PDGFC: variants seen among roughly 807,000 people sequenced by gnomAD.
PDGFC encodes platelet-derived growth factor C.
PDGFC carries 12 observed loss-of-function variants against 35.5 expected under a neutral mutation model. The ratio of observed to expected loss-of-function variants is 0.34; its 90% CI spans 0.22 to 0.55. The LOEUF (loss-of-function observed/expected upper bound fraction) is 0.55. Among genes scored for constraint, PDGFC ranks in the 20% least tolerant of loss-of-function variants. The probability of loss-of-function intolerance (pLI) is 0.91; values close to 1 mark genes in which losing one functional copy is unlikely to be tolerated. For missense variants in PDGFC, 322 were observed against 412.4 expected, an observed-to-expected ratio of 0.78 and a Z score of 1.90; for synonymous variants, 159 against 148.8, an observed-to-expected ratio of 1.07 and a Z score of -0.50.
intron 1 of PDGFC, among the ~76,000 whole-genome samples, chr4:156,910,850 A>T (rs908437133): frequency 6.6e-6 from 1 of 152,066 alleles, no homozygotes; most frequent in African/African-American, 2.4e-5. Flanking sequence ...TTTTCTGTGT[A>T]ATGTCTGTTC....
chr4:156,770,244 T>A (rs1348928187), intron 4 of PDGFC: 2 of 152,012 alleles, frequency 1.3e-5, no homozygotes, highest in Non-Finnish European at 2.9e-5. Context: ...ATACAGTATT[T>A]TTTTGTAGCA....
intron 3 of PDGFC, among the ~76,000 whole-genome samples, chr4:156,800,643 T>C (rs1468504128): frequency 6.6e-6 from 1 of 152,202 alleles, no homozygotes; most frequent in Non-Finnish European, 1.5e-5. Flanking sequence ...TGCCACGTTA[T>C]TATGAATGAA....
At chr4:156,817,568 T>C (rs1468809359) in intron 2 of PDGFC, among the ~76,000 whole-genome samples, 3 of 152,154 alleles carry the variant, frequency 2.0e-5, no homozygotes, top group Non-Finnish European at 4.4e-5. Context: ...AAGGATTACT[T>C]GGGAGGTCAG....
At chr4:156,805,912 C>G (rs949493336) in intron 3 of PDGFC, among the ~76,000 whole-genome samples, 1 of 151,984 alleles carries the variant, frequency 6.6e-6, no homozygotes, top group Admixed American at 6.6e-5. Flanking sequence ...TCTAACCCCT[C>G]CCCACAGAAA....
At chr4:156,948,881 T>C (rs987041409) in intron 1 of PDGFC, among the ~76,000 whole-genome samples, 1 of 151,946 alleles carries the variant, frequency 6.6e-6, no homozygotes, top group African/African-American at 2.4e-5. Flanking sequence ...ATTTTGATCA[T>C]TGCCCCGTAT....
intron 1 of PDGFC, among the ~76,000 whole-genome samples, chr4:156,936,046 A>G (rs1486968156): frequency 6.6e-6 from 1 of 152,190 alleles, no homozygotes; most frequent in Admixed American, 6.5e-5. Flanking sequence ...TCTTCCTGTT[A>G]TGGTCATTGG....
chr4:156,780,111 T>TTG (rs2110842864), intron 3 of PDGFC, among the ~76,000 whole-genome samples: 1 of 151,422 alleles, frequency 6.6e-6, no homozygotes, highest in South Asian at 2.1e-4. Context: ...ATTAAGGTTT[T>TTG]TTTTTTTTTT....
intron 1 of PDGFC, among the ~76,000 whole-genome samples, chr4:156,966,471 T>G (rs1732469403): frequency 6.6e-6 from 1 of 152,110 alleles, no homozygotes; most frequent in African/African-American, 2.4e-5. Context: ...CTATGAAATT[T>G]ATGAATGTCT....
chr4:156,873,737 T>C (rs989093866), intron 1 of PDGFC, among the ~76,000 whole-genome samples: 1 of 152,192 alleles, frequency 6.6e-6, no homozygotes, highest in Non-Finnish European at 1.5e-5. Context: ...AATGTGTTCA[T>C]TGTTTTAATC....
intron 1 of PDGFC, among the ~76,000 whole-genome samples, chr4:156,962,456 A>G (rs777470436): frequency 1.4e-4 from 22 of 152,182 alleles, no homozygotes; most frequent in Non-Finnish European, 2.9e-5. Context: ...CTGTGTTCCC[A>G]TAGCACTTTG....
At chr4:156,821,674 C>T (rs530036620) in intron 2 of PDGFC, among the ~76,000 whole-genome samples, 4 of 152,192 alleles carry the variant, frequency 2.6e-5, no homozygotes, top group African/African-American at 9.6e-5. Context: ...CAGCCTCTGG[C>T]GTAGCCGGGA....
chr4:156,884,021 T>A (rs1162935241), intron 1 of PDGFC, among the ~76,000 whole-genome samples: 2 of 152,194 alleles, frequency 1.3e-5, no homozygotes, highest in African/African-American at 4.8e-5. Flanking sequence ...TAATCCACTC[T>A]TGATTTTTAG....
intron 1 of PDGFC, among the ~76,000 whole-genome samples, chr4:156,953,538 T>C (rs1732136109): frequency 1.3e-5 from 2 of 151,964 alleles, no homozygotes; most frequent in African/African-American, 4.8e-5. Context: ...CTAGATATCT[T>C]TGTCTTGAAA....
chr4:156,931,611 G>C (rs1301931098), intron 1 of PDGFC, among the ~76,000 whole-genome samples: 1 of 152,102 alleles, frequency 6.6e-6, no homozygotes, highest in Admixed American at 6.5e-5. Context: ...ATAGACAAAT[G>C]CAAGGCTGTT....
chr4:156,871,455 A>G (rs577921464), intron 1 of PDGFC, among the ~76,000 whole-genome samples: 2 of 152,226 alleles, frequency 1.3e-5, no homozygotes, highest in South Asian at 2.1e-4. Context: ...ATACAATCAA[A>G]AAGTTAAAAT....
chr4:156,919,673 C>T (rs987012647), intron 1 of PDGFC, among the ~76,000 whole-genome samples: 1 of 152,080 alleles, frequency 6.6e-6, no homozygotes, highest in South Asian at 2.1e-4. Flanking sequence ...AGCTGCCTGC[C>T]CCTGAAGTAA....
chr4:156,827,582 A>T (rs1462085671), intron 2 of PDGFC, among the ~76,000 whole-genome samples: 1 of 152,040 alleles, frequency 6.6e-6, no homozygotes, highest in Non-Finnish European at 1.5e-5. Context: ...AAAAAACTAA[A>T]TCCAATGGTC....
intron 3 of PDGFC, among the ~76,000 whole-genome samples, chr4:156,804,617 G>A (rs992811245): frequency 1.3e-5 from 2 of 151,740 alleles, no homozygotes; most frequent in Non-Finnish European, 2.9e-5. Context: ...CCTCCAAAAC[G>A]AGATAAGTTA....
At chr4:156,790,785 G>T (rs1731278512) in intron 3 of PDGFC, among the ~76,000 whole-genome samples, 3 of 152,118 alleles carry the variant, frequency 2.0e-5, no homozygotes, top group Non-Finnish European at 4.4e-5. Flanking sequence ...AACATGAAAG[G>T]CACAATACAA....
Sources: gnomAD v4.1 joint callset for allele counts (sites outside exome capture counted in the v4.1 genomes callset) on GRCh38, gnomAD v4.1.1 for gene constraint, MANE v1.5 for transcripts, NCBI Gene and HGNC (gene_info 2026-07-23, HGNC 2026-07-21) for gene names.